The following ZC3H12B variants were observed in gnomAD, a reference collection of about 807,000 sequenced individuals.
The protein encoded by ZC3H12B is zinc finger CCCH-type containing 12B, also known as probable ribonuclease ZC3H12B.
In ZC3H12B, 7 loss-of-function variants were observed where a neutral mutation model predicts 43.9. The observed-to-expected ratio is 0.16, with a 90% CI of 0.09 to 0.30. ZC3H12B has a LOEUF of 0.30. ZC3H12B is among the 10% of genes least tolerant of loss of function. ZC3H12B has a pLI of 1.00. For synonymous variants in ZC3H12B, 222 were observed against 241.7 expected (o/e 0.92, Z 0.76); for missense variants, 475 against 670.2 (o/e 0.71, Z 3.22).
chrX:65,058,159 T>A, the ZC3H12B span, among the ~76,000 whole-genome samples: 1 of 111,965 alleles, frequency 8.9e-6, no homozygotes, highest in African/African-American at 3.3e-5. Context: ...AGAGGTGCTG[T>A]GATTTTTAGA....
At chrX:65,458,915 C>T (rs1304517488) in intron 3 of ZC3H12B, among the ~76,000 whole-genome samples, 1 of 111,044 alleles carries the variant, frequency 9.0e-6, no homozygotes, top group Non-Finnish European at 1.9e-5. Context: ...ACCAATGAAT[C>T]CAGGAGCTGG....
the ZC3H12B span, among the ~76,000 whole-genome samples, chrX:65,098,525 CT>C: frequency 9.1e-6 from 1 of 109,648 alleles, no homozygotes; most frequent in Non-Finnish European, 1.9e-5. Flanking sequence ...CAGGTAATTT[CT>C]GCATTTCCAA....
the ZC3H12B span, among the ~76,000 whole-genome samples, chrX:65,175,194 C>T: frequency 9.0e-6 from 1 of 111,078 alleles, no homozygotes; most frequent in East Asian, 2.9e-4. Flanking sequence ...TCTGCTTACC[C>T]TCCGTGGGCT....
At chrX:65,178,847 G>C in the ZC3H12B span, among the ~76,000 whole-genome samples, 954 of 112,336 alleles carry the variant, frequency 8.5e-3, 11 homozygotes, top group Admixed American at 0.042. Context: ...GTGGAAGAGA[G>C]TGTGCAATTC....
chrX:65,092,742 A>G, the ZC3H12B span, among the ~76,000 whole-genome samples: 1 of 112,263 alleles, frequency 8.9e-6, no homozygotes, highest in Admixed American at 9.4e-5. Flanking sequence ...ATGACATAAA[A>G]CTGGAACTTA....
chrX:65,479,684 G>A (rs1569421969), intron 3 of ZC3H12B, among the ~76,000 whole-genome samples: 1 of 112,022 alleles, frequency 8.9e-6, no homozygotes, highest in African/African-American at 3.2e-5. Context: ...ACACTATTTG[G>A]ATTATTGAAA....
intron 3 of ZC3H12B, among the ~76,000 whole-genome samples, chrX:65,466,932 ATATATATAT>A (rs1407849345): frequency 4.8e-5 from 2 of 41,275 alleles, no homozygotes; most frequent in African/African-American, 2.6e-4. Flanking sequence ...ATATATATAT[ATATATATAT>A]ATATATATAT....
At chrX:65,408,615 C>T in intron 3 of ZC3H12B, 1 of 1,115,420 alleles carries the variant, frequency 9.0e-7, no homozygotes, top group Non-Finnish European at 1.2e-6. Context: ...TCTCACTTGG[C>T]AATAAAAGAT....
the ZC3H12B span, among the ~76,000 whole-genome samples, chrX:65,230,380 G>C: frequency 9.2e-6 from 1 of 108,401 alleles, no homozygotes; most frequent in Non-Finnish European, 1.9e-5. Flanking sequence ...TCTGGGGACT[G>C]TTGTGGGATG....
chrX:65,061,285 T>C, the ZC3H12B span, among the ~76,000 whole-genome samples: 2 of 111,654 alleles, frequency 1.8e-5, no homozygotes, highest in African/African-American at 6.5e-5. Flanking sequence ...CCACATGCAT[T>C]AGATATTTCT....
chrX:65,212,330 T>C, the ZC3H12B span, among the ~76,000 whole-genome samples: 1 of 45,087 alleles, frequency 2.2e-5, no homozygotes, highest in Non-Finnish European at 3.6e-5. Flanking sequence ...ATTTATATTA[T>C]ATAATATATA....
At chrX:65,221,106 G>A in the ZC3H12B span, among the ~76,000 whole-genome samples, 1 of 111,657 alleles carries the variant, frequency 9.0e-6, no homozygotes, top group Non-Finnish European at 1.9e-5. Context: ...TGATCCTTGG[G>A]TCAACAATAA....
chrX:65,375,227 A>C (rs1239768119), intron 2 of ZC3H12B, among the ~76,000 whole-genome samples: 1 of 112,206 alleles, frequency 8.9e-6, no homozygotes, highest in Non-Finnish European at 1.9e-5. Context: ...GACTGAACTC[A>C]GCTGATGCCC....
chrX:65,095,642 C>T, the ZC3H12B span, among the ~76,000 whole-genome samples: 1 of 111,563 alleles, frequency 9.0e-6, no homozygotes, highest in African/African-American at 3.3e-5. Context: ...GTAGGTAGCC[C>T]TTTGGAAATA....
At chrX:65,068,050 C>A in the ZC3H12B span, among the ~76,000 whole-genome samples, 1 of 98,929 alleles carries the variant, frequency 1.0e-5, no homozygotes, top group East Asian at 3.1e-4. Context: ...TCCAAAATTT[C>A]TCTTGTTATT....
the ZC3H12B span, among the ~76,000 whole-genome samples, chrX:65,093,242 G>T: frequency 1.8e-5 from 2 of 112,218 alleles, no homozygotes; most frequent in Non-Finnish European, 3.8e-5. Flanking sequence ...GGATGTCTAG[G>T]TGGAAGCCTG....
intron 3 of ZC3H12B, among the ~76,000 whole-genome samples, chrX:65,428,639 A>G (rs2067113279): frequency 8.9e-6 from 1 of 112,295 alleles, no homozygotes; most frequent in Admixed American, 9.4e-5. Flanking sequence ...TGGCTATTTT[A>G]GCTGTCAGCT....
the ZC3H12B span, among the ~76,000 whole-genome samples, chrX:65,175,607 C>T: frequency 8.9e-6 from 1 of 111,999 alleles, no homozygotes; most frequent in Admixed American, 9.4e-5. Context: ...CGAATAGGAA[C>T]AGCTCTGGTC....
the ZC3H12B span, among the ~76,000 whole-genome samples, chrX:65,154,261 A>G: frequency 8.9e-6 from 1 of 112,390 alleles, no homozygotes; most frequent in Non-Finnish European, 1.9e-5. Context: ...TAAATTAAAA[A>G]AAATTTTCTC....
Sources: gnomAD v4.1 joint callset for allele counts (sites outside exome capture counted in the v4.1 genomes callset) on GRCh38, gnomAD v4.1.1 for gene constraint, MANE v1.5 for transcripts, NCBI Gene and HGNC (gene_info 2026-07-23, HGNC 2026-07-21) for gene names.